The following COMMD1 variants were observed in gnomAD, a reference collection of about 807,000 sequenced individuals.
COMMD1 encodes copper metabolism domain containing 1.
Under a neutral mutation model 17.2 loss-of-function variants are expected in COMMD1, and 10 were observed. The ratio of observed to expected loss-of-function variants is 0.58; its 90% CI spans 0.36 to 0.99. The LOEUF is 0.99. Ranked by LOEUF, COMMD1 falls within the 50% of genes least tolerant of loss-of-function variation. The probability of loss-of-function intolerance (pLI) is 0.01; values close to 1 mark genes in which losing one functional copy is unlikely to be tolerated. For missense variants in COMMD1, 270 were observed against 231.8 expected (o/e 1.17, Z -1.07); for synonymous variants, 97 against 91.6 (o/e 1.06, Z -0.34).
chr2:62,048,875 G>A (rs368938854), intron 2 of COMMD1, among the ~76,000 whole-genome samples: 42 of 152,090 alleles, frequency 2.8e-4, no homozygotes, highest in African/African-American at 9.7e-4. Flanking sequence ...ATATACAGGT[G>A]ACAGCACCTC....
chr2:61,888,591 C>A, upstream of COMMD1: 1 of 1,474,204 alleles, frequency 6.8e-7, no homozygotes, highest in South Asian at 1.3e-5. Flanking sequence ...AACGGTAAGC[C>A]CTCACTGCCT....
chr2:62,083,652 A>G (rs1671586763), intron 2 of COMMD1, among the ~76,000 whole-genome samples: 1 of 152,202 alleles, frequency 6.6e-6, no homozygotes. Flanking sequence ...TGTAAGATGA[A>G]AGGTAAGTCT....
intron 2 of COMMD1, among the ~76,000 whole-genome samples, chr2:62,017,679 GA>G (rs112202987): frequency 7.7e-5 from 11 of 142,086 alleles, no homozygotes; most frequent in East Asian, 2.1e-4. Flanking sequence ...TCCAAAAAAA[GA>G]AAAAAAAAAG....
intron 2 of COMMD1, among the ~76,000 whole-genome samples, chr2:62,019,312 T>A (rs1353256611): frequency 2.0e-5 from 3 of 151,860 alleles, no homozygotes; most frequent in African/African-American, 7.3e-5. Flanking sequence ...TACCTGGGAT[T>A]ACAGGCACCC....
At chr2:61,894,591 T>C (rs1015307875) in intron 1 of COMMD1, among the ~76,000 whole-genome samples, 1 of 151,392 alleles carries the variant, frequency 6.6e-6, no homozygotes, top group African/African-American at 2.4e-5. Flanking sequence ...ATTAAGAAAA[T>C]CAAAATATAC....
intron 2 of COMMD1, among the ~76,000 whole-genome samples, chr2:62,072,680 C>T (rs561107954): frequency 7.9e-5 from 12 of 152,374 alleles, no homozygotes; most frequent in Admixed American, 2.6e-4. Context: ...GGCAATGCTT[C>T]TGCTCCCTTG....
chr2:61,947,881 A>G (rs994060233), intron 1 of COMMD1, among the ~76,000 whole-genome samples: 1 of 119,634 alleles, frequency 8.4e-6, no homozygotes, highest in Non-Finnish European at 1.5e-5. Context: ...ATGAAACACA[A>G]TTGTTGAAAT....
At chr2:61,920,562 G>T (rs1670164225) in intron 1 of COMMD1, among the ~76,000 whole-genome samples, 1 of 152,082 alleles carries the variant, frequency 6.6e-6, no homozygotes. Flanking sequence ...TTAATAGGAA[G>T]AAATATATGT....
chr2:62,109,438 C>A (rs1369548984), intron 2 of COMMD1, among the ~76,000 whole-genome samples: 1 of 152,174 alleles, frequency 6.6e-6, no homozygotes, highest in East Asian at 1.9e-4. Flanking sequence ...TTCTTATAAA[C>A]ATTTTGATTA....
At position 62,127,583 on chromosome 2, in the gene COMMD1, A is replaced by T. The variant is rs117761452; in HGVS notation, c.463-8248A>T. Among the ~76,000 whole-genome samples the T allele has an allele frequency of 5.4e-4, 83 of 152,310 alleles. 2 individuals carry two copies. In the East Asian group the frequency reaches 0.013, roughly 24 times the overall value. On this transcript the variant is annotated intron_variant, in intron 2 of 2. Coordinates refer to ENST00000311832, the MANE Select transcript of COMMD1 (RefSeq NM_152516.4). The stretch of plus-strand genomic sequence containing the variant: ...CCAGAAATAAGACTGCACATCTACA[A>T]CCATCTGATCCTCAACAAACCTGAC...
At chr2:62,025,327 A>T (rs1669725889) in intron 2 of COMMD1, among the ~76,000 whole-genome samples, 2 of 152,062 alleles carry the variant, frequency 1.3e-5, no homozygotes, top group African/African-American at 4.8e-5. Flanking sequence ...GGAGTTCAAG[A>T]CCAGCCTGGG....
intron 2 of COMMD1, among the ~76,000 whole-genome samples, chr2:62,091,860 G>A (rs1287426487): frequency 6.6e-6 from 1 of 152,200 alleles, no homozygotes; most frequent in Non-Finnish European, 1.5e-5. Flanking sequence ...CCCCCTCAGT[G>A]ATCATTTGGG....
chr2:62,050,045 T>G (rs1016940357), intron 2 of COMMD1, among the ~76,000 whole-genome samples: 4 of 152,118 alleles, frequency 2.6e-5, no homozygotes, highest in African/African-American at 7.2e-5. Flanking sequence ...TCTGGATGAA[T>G]CTCTATAACA....
chr2:61,989,421 T>TA (rs1274537007), intron 1 of COMMD1, among the ~76,000 whole-genome samples: 11 of 152,054 alleles, frequency 7.2e-5, no homozygotes, highest in African/African-American at 2.7e-4. Flanking sequence ...ATCCACCTAT[T>TA]AATCCCTCCA....
chr2:62,135,992 C>A lies in COMMD1; in HGVS notation c.*51C>A. 1.1e-6 allele frequency: 1 copy of A among 920,266 alleles called. No individual in the cohort carries two copies. Among genetic ancestry groups the A allele is most frequent in the South Asian group, 1.3e-5 (1 of 77,174 alleles). 57.0% of individuals were successfully genotyped at this position (920,266 alleles called of 1,614,324 possible). On this transcript the variant is annotated 3_prime_UTR_variant, in exon 3 of 3. Transcript: ENST00000311832. ...TGTTGAAACCAAGGTGTCCATGATC[C>A]CTCCCCACTGACCTTTTCTAAGAAA...
At chr2:62,077,889 G>C (rs1354017579) in intron 2 of COMMD1, among the ~76,000 whole-genome samples, 1 of 152,048 alleles carries the variant, frequency 6.6e-6, no homozygotes, top group Non-Finnish European at 1.5e-5. Flanking sequence ...GGGGCTTCCA[G>C]CTTATAGGTA....
At chr2:61,959,662 A>G (rs939164675) in intron 1 of COMMD1, among the ~76,000 whole-genome samples, 2 of 152,212 alleles carry the variant, frequency 1.3e-5, no homozygotes, top group Non-Finnish European at 2.9e-5. Context: ...TATTACCCAT[A>G]ATCCACATAT....
At chr2:62,112,842 G>T (rs1396594018) in intron 2 of COMMD1, among the ~76,000 whole-genome samples, 2 of 152,126 alleles carry the variant, frequency 1.3e-5, no homozygotes, top group Admixed American at 1.3e-4. Context: ...CATGGGTAAT[G>T]ATGGAGAAGG....
intron 2 of COMMD1, among the ~76,000 whole-genome samples, chr2:62,033,717 T>G (rs963894323): frequency 1.3e-5 from 2 of 152,124 alleles, no homozygotes; most frequent in South Asian, 2.1e-4. Flanking sequence ...TTTCAGCTAG[T>G]GGTTATATTA....
Sources: gnomAD v4.1 joint callset for allele counts (sites outside exome capture counted in the v4.1 genomes callset) on GRCh38, gnomAD v4.1.1 for gene constraint, MANE v1.5 for transcripts, NCBI Gene and HGNC (gene_info 2026-07-23, HGNC 2026-07-21) for gene names.